UBE2R2: variants seen among roughly 807,000 people sequenced by gnomAD.
UBE2R2 encodes ubiquitin-conjugating enzyme E2 R2.
Under a neutral mutation model 27.8 loss-of-function variants are expected in UBE2R2, and 1 was observed. That is an observed-to-expected ratio of 0.04 (90% CI 0.01 to 0.17). UBE2R2 has a LOEUF of 0.17. UBE2R2 is among the 10% of genes least tolerant of loss of function. UBE2R2 has a pLI of 1.00. For synonymous variants in UBE2R2, 106 were observed against 113.3 expected (o/e 0.94, Z 0.41); for missense variants, 100 against 291.0 (o/e 0.34, Z 4.78).
chr9:33,860,383 T>C (rs1821202182), intron 1 of UBE2R2, among the ~76,000 whole-genome samples: 1 of 152,220 alleles, frequency 6.6e-6, no homozygotes, highest in South Asian at 2.1e-4. Context: ...CAGCATCCTG[T>C]GGTAGTGACC....
chr9:33,823,965 C>G (rs570640767), intron 1 of UBE2R2, among the ~76,000 whole-genome samples: 2 of 152,094 alleles, frequency 1.3e-5, no homozygotes, highest in African/African-American at 4.8e-5. Context: ...CTGTCTCTTT[C>G]TGGAAGATGA....
chr9:33,817,747 C>T lies in UBE2R2; in HGVS notation c.-11C>T. ...CCCGGGCCCGGCGCCGCCGCCGCCG[C>T]CGCCGCCGCGATGGCCCAGCAGCAG... On this transcript the variant is annotated 5_prime_UTR_variant, in exon 1 of 5. Coordinates refer to ENST00000263228, the MANE Select transcript of UBE2R2 (RefSeq NM_017811.4). 1 of 1,519,424 alleles carries T rather than the reference C, an allele frequency of 6.6e-7. No individual in the cohort carries two copies. The allele number at this position is 1,519,424 out of a possible 1,614,324, so 94.1% of individuals were successfully genotyped here.
intron 1 of UBE2R2, among the ~76,000 whole-genome samples, chr9:33,883,096 T>A (rs906873837): frequency 6.6e-5 from 10 of 152,076 alleles, no homozygotes; most frequent in South Asian, 4.2e-4. Flanking sequence ...CTCAAAAAAA[T>A]AATAATAATA....
upstream of UBE2R2, among the ~76,000 whole-genome samples, chr9:33,815,389 AGGG>A (rs1455601845): frequency 1.3e-5 from 2 of 152,240 alleles, no homozygotes; most frequent in African/African-American, 4.8e-5. Context: ...TGTTAATAAA[AGGG>A]GGAACTGGGC....
intron 2 of UBE2R2, 33 bp from the exon 3 acceptor site, chr9:33,900,137 TTGAG>T (rs1243965626): frequency 6.5e-7 from 1 of 1,538,622 alleles, no homozygotes; most frequent in African/African-American, 1.4e-5. Flanking sequence ...ACATCACTTT[TTGAG>T]TATTTACTGA....
intron 2 of UBE2R2, 77 bp from the exon 3 acceptor site, chr9:33,900,096 AG>A: frequency 6.4e-6 from 7 of 1,095,570 alleles, no homozygotes; most frequent in Non-Finnish European, 9.4e-6. Flanking sequence ...CTAGGAATAA[AG>A]GAAACTTTAG....
At chr9:33,827,165 T>TA (rs899276110) in intron 1 of UBE2R2, among the ~76,000 whole-genome samples, 9 of 151,454 alleles carry the variant, frequency 5.9e-5, no homozygotes, top group African/African-American at 9.7e-5. Context: ...GCTGTTCGAA[T>TA]AAAAAAAAAT....
At chr9:33,829,386 G>A (rs1820393562) in intron 1 of UBE2R2, among the ~76,000 whole-genome samples, 1 of 152,126 alleles carries the variant, frequency 6.6e-6, no homozygotes, top group Non-Finnish European at 1.5e-5. Context: ...ACTCAGAAAG[G>A]TGGAAGAATG....
Position 33,917,962 on chromosome 9 carries a change from T to G in UBE2R2, c.*725T>G, listed in dbSNP as rs139326252. 2 of 153,888 alleles carry G rather than the reference T, an allele frequency of 1.3e-5. No homozygotes were observed. The highest frequency in any genetic ancestry group is 4.8e-5 in the African/African-American group (2 of 41,582). 9.5% of individuals were successfully genotyped at this position (153,888 alleles called of 1,614,324 possible). ...TTGAAATCGATTGGGATCGAAAGCC[T>G]GAAATAAATATTCATACTTTCCATA... On this transcript the variant is annotated 3_prime_UTR_variant, in exon 5 of 5. Transcript: ENST00000263228.
chr9:33,909,682 G>A (rs1822443032), intron 3 of UBE2R2, among the ~76,000 whole-genome samples: 1 of 152,108 alleles, frequency 6.6e-6, no homozygotes, highest in Non-Finnish European at 1.5e-5. Context: ...GCCTCCCAAA[G>A]TGCTGGCATT....
At chr9:33,891,056 T>TTTTTTTTTTTG (rs1554676140) in intron 2 of UBE2R2, among the ~76,000 whole-genome samples, 40 of 130,266 alleles carry the variant, frequency 3.1e-4, no homozygotes, top group Non-Finnish European at 5.6e-4. Context: ...TGTTTTTTTG[T>TTTTTTTTTTTG]TTTTTTTTTT....
At chr9:33,822,204 G>C (rs1362661039) in intron 1 of UBE2R2, among the ~76,000 whole-genome samples, 1 of 151,062 alleles carries the variant, frequency 6.6e-6, no homozygotes, top group African/African-American at 2.4e-5. Context: ...CGATTCTTCT[G>C]CCTCAGCCTC....
chr9:33,917,345 G>A lies in UBE2R2; in HGVS notation c.*108G>A. On this transcript the variant is annotated 3_prime_UTR_variant, in exon 5 of 5. Coordinates refer to ENST00000263228, the MANE Select transcript of UBE2R2 (RefSeq NM_017811.4). ...CAGCAAAAACCTATTCACAGCGGGT[G>A]GGGAAACACACACAGCTCCTGCTGA... 4 of 1,521,910 alleles carry A rather than the reference G, an allele frequency of 2.6e-6. No individual in the cohort carries two copies. In the South Asian group the frequency reaches 3.8e-5, roughly 14 times the overall value. 94.3% of individuals were successfully genotyped at this position (1,521,910 alleles called of 1,614,324 possible). A position where few individuals can be genotyped will look rare whatever the true frequency, so the allele number is the denominator to read the frequency against.
chr9:33,840,889 A>G (rs983122171), intron 1 of UBE2R2, among the ~76,000 whole-genome samples: 1 of 152,100 alleles, frequency 6.6e-6, no homozygotes, highest in South Asian at 2.1e-4. Flanking sequence ...TTAGTTCCCT[A>G]TTATTCTCTA....
chr9:33,834,144 C>G (rs1397836527), intron 1 of UBE2R2, among the ~76,000 whole-genome samples: 2 of 151,438 alleles, frequency 1.3e-5, no homozygotes, highest in East Asian at 3.9e-4. Flanking sequence ...TAGACAATTC[C>G]TACCAGCTCA....
chr9:33,882,903 A>G (rs911436717), intron 1 of UBE2R2, among the ~76,000 whole-genome samples: 1 of 152,182 alleles, frequency 6.6e-6, no homozygotes, highest in African/African-American at 2.4e-5. Flanking sequence ...ATCCTGGCCA[A>G]CATGGCAAAA....
chr9:33,819,670 G>A (rs901888289), intron 1 of UBE2R2, among the ~76,000 whole-genome samples: 1 of 149,582 alleles, frequency 6.7e-6, no homozygotes, highest in Non-Finnish European at 1.5e-5. Flanking sequence ...ACGGAGTCTC[G>A]CTCTGTCACC....
At chr9:33,849,283 T>C (rs1006663172) in intron 1 of UBE2R2, among the ~76,000 whole-genome samples, 8 of 152,004 alleles carry the variant, frequency 5.3e-5, no homozygotes, top group African/African-American at 1.9e-4. Context: ...TAAACTCCTG[T>C]TTATTGAGTG....
upstream of UBE2R2, among the ~76,000 whole-genome samples, chr9:33,817,051 G>A (rs1444620859): frequency 6.6e-6 from 1 of 151,950 alleles, no homozygotes; most frequent in Non-Finnish European, 1.5e-5. Context: ...CACGGTGGGG[G>A]GAGGGGAGGG....
Sources: allele counts gnomAD v4.1 joint callset (sites outside exome capture counted in the v4.1 genomes callset), GRCh38; gene constraint gnomAD v4.1.1; transcripts MANE v1.5; gene names NCBI Gene and HGNC (gene_info 2026-07-23, HGNC 2026-07-21).